The following ZNF704 variants were observed in gnomAD, a reference collection of about 807,000 sequenced individuals.
ZNF704 encodes the protein glucocorticoid induced gene 1.
ZNF704 carries 10 observed loss-of-function variants against 44.7 expected under a neutral mutation model. The ratio of observed to expected loss-of-function variants is 0.22; its 90% CI spans 0.14 to 0.38. The LOEUF (loss-of-function observed/expected upper bound fraction) is 0.38, where lower values mean the gene tolerates loss of function less well. Ranked by LOEUF, ZNF704 falls within the 10% of genes least tolerant of loss-of-function variation. ZNF704 has a pLI of 1.00. For missense variants in ZNF704, 390 were observed against 545.5 expected, an observed-to-expected ratio of 0.71 and a Z score of 2.84; for synonymous variants, 211 against 207.6, an observed-to-expected ratio of 1.02 and a Z score of -0.14.
At chr8:80,788,545 G>T (rs1184429803) in intron 2 of ZNF704, among the ~76,000 whole-genome samples, 1 of 152,152 alleles carries the variant, frequency 6.6e-6, no homozygotes, top group African/African-American at 2.4e-5. Context: ...TGCTTAAAAG[G>T]GCAAACTCAA....
intron 5 of ZNF704, among the ~76,000 whole-genome samples, chr8:80,666,537 C>T (rs1271923371): frequency 8.4e-4 from 124 of 147,134 alleles, no homozygotes; most frequent in African/African-American, 2.4e-3. Flanking sequence ...GAGGAATCGC[C>T]ACACTGACTT....
intron 7 of ZNF704, among the ~76,000 whole-genome samples, chr8:80,655,238 T>C (rs935233683): frequency 1.3e-5 from 2 of 151,908 alleles, no homozygotes; most frequent in African/African-American, 4.8e-5. Flanking sequence ...TAATGTTAAA[T>C]GAAGAGTTAA....
chr8:80,813,530 A>C (rs1808124567), intron 2 of ZNF704, among the ~76,000 whole-genome samples: 1 of 152,200 alleles, frequency 6.6e-6, no homozygotes, highest in South Asian at 2.1e-4. Context: ...ATACACACAC[A>C]TACTACATGG....
chr8:80,804,061 A>C (rs1020879007), intron 2 of ZNF704, among the ~76,000 whole-genome samples: 2 of 152,254 alleles, frequency 1.3e-5, no homozygotes, highest in African/African-American at 4.8e-5. Flanking sequence ...CCATGTGGCC[A>C]ACAAACATAT....
chr8:80,684,747 C>T (rs1490784187), intron 4 of ZNF704, among the ~76,000 whole-genome samples: 1 of 152,136 alleles, frequency 6.6e-6, no homozygotes, highest in Non-Finnish European at 1.5e-5. Context: ...CATCAATTTC[C>T]AGCCACCCAA....
chr8:80,787,336 ACACT>A (rs1162698927), intron 2 of ZNF704, among the ~76,000 whole-genome samples: 3 of 152,310 alleles, frequency 2.0e-5, no homozygotes, highest in Admixed American at 2.0e-4. Flanking sequence ...GCGTGCACAC[ACACT>A]CACCTTAAAG....
At chr8:80,782,066 G>C (rs1807533150) in intron 2 of ZNF704, among the ~76,000 whole-genome samples, 1 of 152,210 alleles carries the variant, frequency 6.6e-6, no homozygotes, top group Non-Finnish European at 1.5e-5. Context: ...ACTGCTTAGA[G>C]AATGGGCAGT....
intron 7 of ZNF704, 92 bp from the exon 8 acceptor site, chr8:80,643,221 AT>A: frequency 1.1e-6 from 1 of 904,940 alleles, no homozygotes; most frequent in Non-Finnish European, 1.6e-6. Flanking sequence ...ATCCTTGACC[AT>A]TAGAAGCAGA....
chr8:80,872,217 C>T (rs1423237939), intron 1 of ZNF704, among the ~76,000 whole-genome samples: 1 of 152,122 alleles, frequency 6.6e-6, no homozygotes, highest in Non-Finnish European at 1.5e-5. Flanking sequence ...TTCAACAGAC[C>T]ATGGTAATGA....
chr8:80,643,404 G>T (rs1476481416), intron 7 of ZNF704, among the ~76,000 whole-genome samples: 4 of 151,348 alleles, frequency 2.6e-5, no homozygotes, highest in Non-Finnish European at 1.5e-5. Context: ...TGTAATCCCA[G>T]CTACTTGGGA....
intron 2 of ZNF704, among the ~76,000 whole-genome samples, chr8:80,806,114 G>A (rs1465317955): frequency 1.3e-5 from 2 of 152,182 alleles, no homozygotes; most frequent in East Asian, 1.9e-4. Flanking sequence ...TAGCACATCA[G>A]CACAGAAAGT....
At chr8:80,730,148 T>C (rs994476334) in intron 2 of ZNF704, among the ~76,000 whole-genome samples, 2 of 152,198 alleles carry the variant, frequency 1.3e-5, no homozygotes, top group Admixed American at 1.3e-4. Flanking sequence ...ATTTAAATAA[T>C]GTAATTCCTG....
chr8:80,685,341 T>C (rs1818518004), intron 4 of ZNF704, among the ~76,000 whole-genome samples: 1 of 152,094 alleles, frequency 6.6e-6, no homozygotes, highest in Non-Finnish European at 1.5e-5. Flanking sequence ...CTTTCATTAA[T>C]GTGCCTTAAA....
chr8:80,849,038 C>T (rs1808814595), intron 1 of ZNF704, among the ~76,000 whole-genome samples: 2 of 152,180 alleles, frequency 1.3e-5, no homozygotes, highest in East Asian at 3.9e-4. Flanking sequence ...AGATAGATAC[C>T]TTTAAGCAGC....
intron 2 of ZNF704, among the ~76,000 whole-genome samples, chr8:80,773,743 T>C (rs1807363837): frequency 6.6e-6 from 1 of 152,194 alleles, no homozygotes; most frequent in African/African-American, 2.4e-5. Flanking sequence ...ATGAAAAATA[T>C]TTTGCTATTT....
chr8:80,815,531 T>C (rs530043135), intron 2 of ZNF704, among the ~76,000 whole-genome samples: 1 of 152,360 alleles, frequency 6.6e-6, no homozygotes, highest in African/African-American at 2.4e-5. Context: ...TGAATTATTT[T>C]AGAGGCTGGA....
At chr8:80,722,089 A>C (rs1275621677) in intron 2 of ZNF704, among the ~76,000 whole-genome samples, 1 of 152,120 alleles carries the variant, frequency 6.6e-6, no homozygotes, top group Non-Finnish European at 1.5e-5. Flanking sequence ...ATACAAAAAA[A>C]CGTAGCTGGG....
intron 1 of ZNF704, among the ~76,000 whole-genome samples, chr8:80,866,076 G>C (rs1215760327): frequency 6.6e-6 from 1 of 152,074 alleles, no homozygotes; most frequent in African/African-American, 2.4e-5. Flanking sequence ...CAAATTCAGT[G>C]ATCTAAACTC....
chr8:80,758,931 A>G (rs1279822464), intron 2 of ZNF704, among the ~76,000 whole-genome samples: 2 of 152,224 alleles, frequency 1.3e-5, no homozygotes, highest in African/African-American at 4.8e-5. Flanking sequence ...TGAGCCTTAC[A>G]GAATTTGAGT....
Sources: allele counts gnomAD v4.1 joint callset (sites outside exome capture counted in the v4.1 genomes callset), GRCh38; gene constraint gnomAD v4.1.1; transcripts MANE v1.5; gene names NCBI Gene and HGNC (gene_info 2026-07-23, HGNC 2026-07-21).